The following ST13 variants were observed in gnomAD, a reference collection of about 807,000 sequenced individuals.
The protein encoded by ST13 is ST13 Hsp70 interacting protein, also known as hsc70-interacting protein.
ST13 carries 23 observed loss-of-function variants against 56.7 expected under a neutral mutation model. The ratio of observed to expected loss-of-function variants is 0.41; its 90% CI spans 0.29 to 0.57. The LOEUF (loss-of-function observed/expected upper bound fraction) is 0.57, where lower values mean the gene tolerates loss of function less well. Among genes scored for constraint, ST13 ranks in the 20% least tolerant of loss-of-function variants. The pLI, the probability that ST13 is intolerant of heterozygous loss-of-function variation, is 0.36. For synonymous variants in ST13, 132 were observed against 142.4 expected, an observed-to-expected ratio of 0.93 and a Z score of 0.52; for missense variants, 369 against 459.9, an observed-to-expected ratio of 0.80 and a Z score of 1.81.
rs2057719992 is a variant in ST13, at chr22:40,824,762, G to T, written c.*1776C>A. On this transcript the variant is annotated 3_prime_UTR_variant, in exon 12 of 12. Transcript: ENST00000216218. ...AGGAGAACTCTACACATTAACAAAA[G>T]AACACACAAGCTCAAATGCAAGTTT... 3 of 152,164 alleles carry T rather than the reference G, an allele frequency of 2.0e-5. No individual in the cohort carries two copies. Among genetic ancestry groups the T allele is most frequent in the African/African-American group, 7.2e-5 (3 of 41,426 alleles). 9.4% of individuals were successfully genotyped at this position (152,164 alleles called of 1,614,324 possible).
intron 8 of ST13, chr22:40,832,291 G>A: frequency 2.0e-6 from 1 of 501,892 alleles, no homozygotes; most frequent in Non-Finnish European, 3.9e-6. Context: ...TTTCCTTGTT[G>A]TAAACCTGAT....
intron 1 of ST13, among the ~76,000 whole-genome samples, chr22:40,852,418 T>A (rs1054667349): frequency 2.0e-5 from 3 of 152,238 alleles, no homozygotes; most frequent in African/African-American, 7.2e-5. Context: ...ATTCTGCATA[T>A]GAACCCTTTG....
At chr22:40,827,323 G>A (rs186846956) in intron 10 of ST13, 94 bp from the exon 11 acceptor site, 118 of 1,322,900 alleles carry the variant, frequency 8.9e-5, no homozygotes, top group Admixed American at 8.5e-4. Flanking sequence ...GAATATGGGT[G>A]CCACTAAGCA....
At chr22:40,827,696 A>G (rs1304016165) in intron 10 of ST13, among the ~76,000 whole-genome samples, 2 of 151,840 alleles carry the variant, frequency 1.3e-5, no homozygotes, top group East Asian at 1.9e-4. Context: ...TTATATTTTT[A>G]TATCAAGTTG....
chr22:40,826,678 G>A lies in ST13; in HGVS notation c.982-12C>T. On this transcript the variant is annotated splice_polypyrimidine_tract_variant and intron_variant, in intron 11 of 11. Transcript: ENST00000216218. ...ATAACTTCTGGATCCTGAAAAGAAA[G>A]GGTTCATTAGTATTTAAAAAGTGTC... The A allele has an allele frequency of 6.2e-7, 1 of 1,608,906 alleles. No homozygotes were observed. Among genetic ancestry groups the A allele is most frequent in the Non-Finnish European group, 8.5e-7 (1 of 1,179,654 alleles).
intron 1 of ST13, chr22:40,854,628 T>TGAGAC (rs1432723130): frequency 1.3e-5 from 2 of 152,234 alleles, no homozygotes; most frequent in Non-Finnish European, 2.9e-5. Flanking sequence ...TGTTCTTCTG[T>TGAGAC]GTCTCCTCTT....
chr22:40,855,116 G>A (rs2057882836), intron 1 of ST13, among the ~76,000 whole-genome samples: 1 of 152,152 alleles, frequency 6.6e-6, no homozygotes, highest in South Asian at 2.1e-4. Context: ...TTGTTGTTAA[G>A]AAATATTCTT....
intron 5 of ST13, among the ~76,000 whole-genome samples, chr22:40,836,314 G>C (rs182412498): frequency 0.012 from 1,864 of 152,330 alleles, 37 homozygotes; most frequent in African/African-American, 0.042. Context: ...AGCTGGGCGT[G>C]GGGGCGGAGC....
Position 40,840,607 on chromosome 22 carries a change from T to C in ST13, c.382+19A>G, listed in dbSNP as rs2057799177. ...AAATATTCTGACTACCATAGAAATGTAGCAAAAAGATTACTCACCATCATT... is the reference window on the plus strand; with the variant it reads ...AAATATTCTGACTACCATAGAAATGCAGCAAAAAGATTACTCACCATCATT... On this transcript the variant is annotated intron_variant, in intron 5 of 11. Transcript: ENST00000216218. 1.9e-6 allele frequency: 3 copies of C among 1,603,524 alleles called. No individual in the cohort carries two copies. The highest frequency in any genetic ancestry group is 3.4e-5 in the Admixed American group (2 of 58,228).
intron 7 of ST13, among the ~76,000 whole-genome samples, chr22:40,833,450 A>G (rs1326878537): frequency 6.6e-6 from 1 of 151,822 alleles, no homozygotes; most frequent in Non-Finnish European, 1.5e-5. Context: ...CTGTAGTCCC[A>G]GCTACTCAGG....
At chr22:40,831,399 T>A (rs1449289221) in intron 8 of ST13, among the ~76,000 whole-genome samples, 1 of 152,154 alleles carries the variant, frequency 6.6e-6, no homozygotes, top group Admixed American at 6.6e-5. Context: ...TAAGTTTCTG[T>A]ATCCATAAAA....
At chr22:40,847,708 C>G (rs762413915) in intron 3 of ST13, among the ~76,000 whole-genome samples, 2 of 151,406 alleles carry the variant, frequency 1.3e-5, no homozygotes, top group Non-Finnish European at 2.9e-5. Context: ...TGTAAAATAC[C>G]CTTTGGAGTT....
chr22:40,843,491 G>C (rs2057814792), intron 4 of ST13, among the ~76,000 whole-genome samples: 2 of 152,102 alleles, frequency 1.3e-5, no homozygotes, highest in South Asian at 4.1e-4. Flanking sequence ...TCCTGAAACA[G>C]ACCCACAATA....
At chr22:40,848,722 G>A (rs748501037) in intron 2 of ST13, among the ~76,000 whole-genome samples, 4 of 152,136 alleles carry the variant, frequency 2.6e-5, no homozygotes, top group Non-Finnish European at 4.4e-5. Flanking sequence ...CAGCCTGGGC[G>A]ACAGAGCAAG....
intron 4 of ST13, among the ~76,000 whole-genome samples, chr22:40,844,440 C>G (rs2057820832): frequency 6.6e-6 from 1 of 152,134 alleles, no homozygotes; most frequent in South Asian, 2.1e-4. Context: ...GGACCACTAA[C>G]CATTGTAATA....
intron 5 of ST13, among the ~76,000 whole-genome samples, chr22:40,837,747 C>T (rs1365929727): frequency 1.3e-5 from 2 of 152,134 alleles, no homozygotes; most frequent in African/African-American, 4.8e-5. Context: ...TCCTCCCAGC[C>T]TCAAGGGAAC....
At chr22:40,847,745 A>C (rs975765251) in intron 3 of ST13, among the ~76,000 whole-genome samples, 4 of 152,024 alleles carry the variant, frequency 2.6e-5, no homozygotes, top group African/African-American at 9.7e-5. Flanking sequence ...AAGAAGCAAA[A>C]TAAATTATTA....
chr22:40,853,923 T>C lies in ST13; in HGVS notation c.110+2508A>G, dbSNP rs115233009. Among the ~76,000 whole-genome samples, 621 of 152,180 alleles carry C rather than the reference T, an allele frequency of 4.1e-3. 3 individuals carry two copies. The highest frequency in any genetic ancestry group is 0.014 in the African/African-American group (579 of 41,518). On this transcript the variant is annotated intron_variant, in intron 1 of 11. Coordinates refer to ENST00000216218, the MANE Select transcript of ST13 (RefSeq NM_003932.5). ...CTCTAAAAAGGGAAAAACAAAAATA[T>C]CTCAAAACACAGTTCTTGAAAAGAA...
At chr22:40,839,789 C>T (rs1439192269) in intron 5 of ST13, among the ~76,000 whole-genome samples, 2 of 151,126 alleles carry the variant, frequency 1.3e-5, no homozygotes, top group Non-Finnish European at 2.9e-5. Flanking sequence ...TAAAATACAA[C>T]TGAAAAACAG....
Sources: gnomAD v4.1 joint callset for allele counts (sites outside exome capture counted in the v4.1 genomes callset) on GRCh38, gnomAD v4.1.1 for gene constraint, MANE v1.5 for transcripts, NCBI Gene and HGNC (gene_info 2026-07-23, HGNC 2026-07-21) for gene names.